ABCC1: variants seen among roughly 807,000 people sequenced by gnomAD.
ABCC1 encodes multidrug resistance-associated protein 1.
In ABCC1, 83 loss-of-function variants were observed where a neutral mutation model predicts 172.9. The observed-to-expected ratio is 0.48, with a 90% CI of 0.40 to 0.58. ABCC1 has a LOEUF of 0.58. Ranked by LOEUF, ABCC1 falls within the 20% of genes least tolerant of loss-of-function variation. ABCC1 has a pLI of 0.00. For missense variants in ABCC1, 1,817 were observed against 2,002.7 expected, an observed-to-expected ratio of 0.91 and a Z score of 1.77; for synonymous variants, 937 against 825.2, an observed-to-expected ratio of 1.14 and a Z score of -2.32.
At chr16:15,990,564 C>T (rs560792356) in intron 1 of ABCC1, among the ~76,000 whole-genome samples, 4 of 152,232 alleles carry the variant, frequency 2.6e-5, no homozygotes, top group Admixed American at 6.5e-5. Context: ...TGAGTGAGAT[C>T]TTGCAGTGTT....
chr16:16,132,513 T>G (rs1284824454), intron 27 of ABCC1, among the ~76,000 whole-genome samples: 1 of 73,506 alleles, frequency 1.4e-5, no homozygotes, highest in Non-Finnish European at 2.9e-5. Context: ...GTTGGTTGTT[T>G]TTTTTTTTTT....
intron 21 of ABCC1, among the ~76,000 whole-genome samples, chr16:16,108,478 C>G (rs931851709): frequency 2.6e-5 from 4 of 151,754 alleles, no homozygotes; most frequent in African/African-American, 9.7e-5. Context: ...ACTATGTTGG[C>G]CAGGCTGGTC....
chr16:16,065,741 T>C (rs763504262), intron 12 of ABCC1, among the ~76,000 whole-genome samples: 1 of 152,080 alleles, frequency 6.6e-6, no homozygotes, highest in Non-Finnish European at 1.5e-5. Flanking sequence ...CCACCTGGCT[T>C]ATTTTTTAAA....
chr16:15,991,316 G>A (rs995938815), intron 1 of ABCC1, among the ~76,000 whole-genome samples: 1 of 151,988 alleles, frequency 6.6e-6, no homozygotes, highest in African/African-American at 2.4e-5. Flanking sequence ...GGTATGTGGT[G>A]GGGTGAATCT....
intron 1 of ABCC1, among the ~76,000 whole-genome samples, chr16:15,961,574 A>C (rs545076924): frequency 6.6e-6 from 1 of 152,190 alleles, no homozygotes; most frequent in South Asian, 2.1e-4. Context: ...GTGTTTTTCG[A>C]GAAAAGTTTC....
chr16:16,039,231 G>T (rs1218542089), intron 7 of ABCC1, among the ~76,000 whole-genome samples: 1 of 141,844 alleles, frequency 7.1e-6, no homozygotes, highest in East Asian at 2.0e-4. Flanking sequence ...GTGTGTGTGT[G>T]TGTATGTATG....
At chr16:16,125,584 A>G (rs111338139) in intron 25 of ABCC1, among the ~76,000 whole-genome samples, 8,025 of 151,956 alleles carry the variant, frequency 0.053, 319 homozygotes, top group Admixed American at 0.13. Context: ...GTGCGTCACC[A>G]TGCCTGGCTA....
At chr16:16,094,197 G>A in intron 19 of ABCC1, 1 of 275,190 alleles carries the variant, frequency 3.6e-6, no homozygotes, top group East Asian at 1.0e-4. Context: ...CCGACCCTGA[G>A]CTCTGTAGGT....
At chr16:16,081,647 A>G (rs2050809245) in intron 16 of ABCC1, among the ~76,000 whole-genome samples, 1 of 152,152 alleles carries the variant, frequency 6.6e-6, no homozygotes, top group South Asian at 2.1e-4. Flanking sequence ...TCAGCAGGTT[A>G]ATTATTTGAG....
chr16:15,983,736 A>G (rs1391249189), intron 1 of ABCC1, among the ~76,000 whole-genome samples: 1 of 151,638 alleles, frequency 6.6e-6, no homozygotes, highest in East Asian at 1.9e-4. Context: ...TGGTATTTTT[A>G]TTGGAGACGG....
chr16:16,011,681 T>C (rs1023824156), intron 3 of ABCC1, among the ~76,000 whole-genome samples: 5 of 151,538 alleles, frequency 3.3e-5, no homozygotes, highest in East Asian at 3.9e-4. Context: ...TTTTTATTTT[T>C]CCCCCCGAGA....
chr16:15,992,901 CCA>C (rs1319375443), intron 1 of ABCC1, among the ~76,000 whole-genome samples: 1 of 152,136 alleles, frequency 6.6e-6, no homozygotes, highest in East Asian at 1.9e-4. Flanking sequence ...TCCCCCCACC[CCA>C]CCCCACTGTG....
intron 14 of ABCC1, among the ~76,000 whole-genome samples, chr16:16,075,237 G>A (rs1376923638): frequency 6.6e-6 from 1 of 152,076 alleles, no homozygotes; most frequent in Non-Finnish European, 1.5e-5. Context: ...GAGCCCCTGC[G>A]ACTGGCCTGC....
chr16:16,004,314 A>G (rs1276782730), intron 1 of ABCC1, among the ~76,000 whole-genome samples: 1 of 152,272 alleles, frequency 6.6e-6, no homozygotes. Context: ...TCTTGTATAC[A>G]TAACTGCATA....
intron 1 of ABCC1, among the ~76,000 whole-genome samples, chr16:15,990,062 G>A (rs942002812): frequency 6.6e-6 from 1 of 150,524 alleles, no homozygotes; most frequent in Admixed American, 6.6e-5. Context: ...ATTTTTTTTT[G>A]TTTTGTTTTT....
intron 19 of ABCC1, among the ~76,000 whole-genome samples, chr16:16,099,848 C>T (rs1488824461): frequency 6.6e-6 from 1 of 152,186 alleles, no homozygotes; most frequent in South Asian, 2.1e-4. Flanking sequence ...CTCTGGGAGG[C>T]CGAGGTGGGT....
intron 1 of ABCC1, among the ~76,000 whole-genome samples, chr16:15,990,829 T>TTC (rs905821155): frequency 6.6e-6 from 1 of 150,528 alleles, no homozygotes; most frequent in African/African-American, 2.4e-5. Context: ...TTTTTTTTTT[T>TTC]TTTTTTTGCA....
intron 16 of ABCC1, among the ~76,000 whole-genome samples, chr16:16,082,085 C>T (rs918784163): frequency 6.6e-6 from 1 of 152,176 alleles, no homozygotes; most frequent in Admixed American, 6.5e-5. Flanking sequence ...GTATAGGCCC[C>T]CTTGCTGTCC....
chr16:16,125,906 A>C lies in ABCC1; in HGVS notation c.3814A>C (p.Lys1272Gln), dbSNP rs1356594885. 1 of 1,613,472 alleles carries C rather than the reference A, an allele frequency of 6.2e-7. No homozygotes were observed. The highest frequency in any genetic ancestry group is 8.5e-7 in the Non-Finnish European group (1 of 1,179,736). Residue 1272 changes from lysine (K) to glutamine (Q), a missense_variant, in exon 26 of 31, where the codon AAG becomes CAG. Lys to Gln is a moderately conservative substitution (Grantham distance 53). Transcript: ENST00000399410. The part of the protein sequence containing the change: ...ERLKEYSETE[K>Q]EAPWQIQETA... The stretch of plus-strand genomic sequence containing the variant: ...GCTCAAGGAGTATTCAGAGACTGAG[A>C]AGGAGGTAGGCAAGGGCCCCTGGCT...
Sources: gnomAD v4.1 joint callset for allele counts (sites outside exome capture counted in the v4.1 genomes callset) on GRCh38, gnomAD v4.1.1 for gene constraint, MANE v1.5 for transcripts, NCBI Gene and HGNC (gene_info 2026-07-23, HGNC 2026-07-21) for gene names.